Variants in NELL1 observed in about 807,000 individuals in gnomAD.
The protein encoded by NELL1 is protein kinase C-binding protein NELL1.
Under a neutral mutation model 107.4 loss-of-function variants are expected in NELL1, and 76 were observed. That is an observed-to-expected ratio of 0.71 (90% CI 0.59 to 0.86). The LOEUF is 0.86. Among genes scored for constraint, NELL1 ranks in the 40% least tolerant of loss-of-function variants. NELL1 has a pLI of 0.00. For synonymous variants in NELL1, 353 were observed against 341.2 expected (o/e 1.03, Z -0.38); for missense variants, 1,024 against 1,005.5 (o/e 1.02, Z -0.25).
At chr11:21,013,344 A>G (rs1043996775) in intron 12 of NELL1, among the ~76,000 whole-genome samples, 5 of 152,082 alleles carry the variant, frequency 3.3e-5, no homozygotes, top group African/African-American at 1.2e-4. Context: ...GCCACAGGGT[A>G]TAGGAAATAG....
chr11:21,167,829 T>C (rs1358248289), intron 13 of NELL1, among the ~76,000 whole-genome samples: 2 of 151,780 alleles, frequency 1.3e-5, no homozygotes, highest in Non-Finnish European at 2.9e-5. Flanking sequence ...TTTCTTTTTC[T>C]TTAGATCACA....
chr11:20,748,958 A>G (rs530502634), intron 2 of NELL1, among the ~76,000 whole-genome samples: 2 of 150,390 alleles, frequency 1.3e-5, no homozygotes, highest in Non-Finnish European at 3.0e-5. Flanking sequence ...CCATCCATCC[A>G]TATTTTGACA....
At chr11:21,527,972 T>C (rs1334733890) in intron 15 of NELL1, among the ~76,000 whole-genome samples, 3 of 152,154 alleles carry the variant, frequency 2.0e-5, no homozygotes, top group African/African-American at 7.2e-5. Flanking sequence ...TAATCTCCTT[T>C]GGCAACACCC....
chr11:20,795,281 CA>C (rs1476990153), intron 3 of NELL1, among the ~76,000 whole-genome samples: 2 of 152,106 alleles, frequency 1.3e-5, no homozygotes, highest in Admixed American at 1.3e-4. Context: ...TAAAACGAAA[CA>C]GAAAACTGAA....
intron 16 of NELL1, among the ~76,000 whole-genome samples, chr11:21,538,690 A>G (rs1376360219): frequency 6.6e-6 from 1 of 152,146 alleles, no homozygotes; most frequent in East Asian, 1.9e-4. Flanking sequence ...CAGTTTTAAT[A>G]TAGAAGTTGT....
chr11:20,953,467 G>A (rs1181948428), intron 11 of NELL1, among the ~76,000 whole-genome samples: 2 of 152,154 alleles, frequency 1.3e-5, no homozygotes, highest in African/African-American at 2.4e-5. Flanking sequence ...AACATAAAGT[G>A]GGATTTGGAG....
At chr11:21,348,524 G>A (rs1850734048) in intron 14 of NELL1, among the ~76,000 whole-genome samples, 1 of 152,052 alleles carries the variant, frequency 6.6e-6, no homozygotes, top group Non-Finnish European at 1.5e-5. Flanking sequence ...AGATATTTAA[G>A]CATTTATTTC....
chr11:21,302,305 G>A (rs1239939076), intron 14 of NELL1, among the ~76,000 whole-genome samples: 2 of 152,002 alleles, frequency 1.3e-5, no homozygotes, highest in African/African-American at 4.8e-5. Flanking sequence ...TGGCTGAGGT[G>A]TCTCTTGTTT....
intron 15 of NELL1, among the ~76,000 whole-genome samples, chr11:21,451,767 T>C (rs1853593220): frequency 6.6e-6 from 1 of 152,184 alleles, no homozygotes; most frequent in Non-Finnish European, 1.5e-5. Context: ...CTGCTTTTCT[T>C]CCCTATGAAA....
intron 13 of NELL1, among the ~76,000 whole-genome samples, chr11:21,124,789 C>T (rs925894009): frequency 6.6e-6 from 1 of 151,920 alleles, no homozygotes; most frequent in Non-Finnish European, 1.5e-5. Context: ...TTAGTACAGA[C>T]AGGGTTTCTC....
At chr11:20,947,280 G>A in intron 10 of NELL1, 56 bp from the exon 11 acceptor site, 1 of 1,140,260 alleles carries the variant, frequency 8.8e-7, no homozygotes, top group Non-Finnish European at 1.3e-6. Flanking sequence ...TTATAAGTTT[G>A]TTCCATTGAC....
At chr11:21,043,191 AC>A (rs1270179554) in intron 12 of NELL1, among the ~76,000 whole-genome samples, 2 of 152,158 alleles carry the variant, frequency 1.3e-5, no homozygotes, top group Non-Finnish European at 2.9e-5. Context: ...TCATTCACCA[AC>A]TTTAAAAGTA....
intron 12 of NELL1, among the ~76,000 whole-genome samples, chr11:21,068,142 G>A (rs914277918): frequency 1.3e-5 from 2 of 148,606 alleles, no homozygotes. Flanking sequence ...TATTCATTCT[G>A]GTGTCTAGTG....
intron 2 of NELL1, among the ~76,000 whole-genome samples, chr11:20,782,099 CTT>C (rs1258601344): frequency 2.6e-4 from 39 of 151,744 alleles, no homozygotes; most frequent in Non-Finnish European, 5.3e-4. Context: ...TTCTAATACT[CTT>C]TAGTTTACAG....
rs547255857 is a variant in NELL1, at chr11:21,033,156, G to T, written c.1300+72596G>T. On this transcript the variant is annotated intron_variant, in intron 12 of 19. Coordinates refer to ENST00000357134, the MANE Select transcript of NELL1 (RefSeq NM_006157.5). ...CTGGATGATCATCTCTTTTGCTTTGGTGATCTGCTGCTTTATTATGATTTA... is the reference window on the plus strand; with the variant it reads ...CTGGATGATCATCTCTTTTGCTTTGTTGATCTGCTGCTTTATTATGATTTA... Among the ~76,000 whole-genome samples, 8 of 152,000 alleles carry T rather than the reference G, an allele frequency of 5.3e-5. No individual in the cohort carries two copies. In the South Asian group the frequency reaches 1.7e-3, roughly 32 times the overall value.
At chr11:21,395,168 C>T (rs1851955228) in intron 15 of NELL1, among the ~76,000 whole-genome samples, 1 of 151,388 alleles carries the variant, frequency 6.6e-6, no homozygotes, top group Non-Finnish European at 1.5e-5. Context: ...TGGAAAGCAA[C>T]AAGTTAGGAA....
intron 12 of NELL1, among the ~76,000 whole-genome samples, chr11:21,062,010 T>G (rs1853754068): frequency 6.6e-6 from 1 of 152,200 alleles, no homozygotes; most frequent in African/African-American, 2.4e-5. Flanking sequence ...TTCTCCAGAT[T>G]GTCTACTTGC....
chr11:20,829,275 A>T (rs1009606434), intron 3 of NELL1, among the ~76,000 whole-genome samples: 1 of 135,436 alleles, frequency 7.4e-6, no homozygotes, highest in African/African-American at 2.9e-5. Flanking sequence ...TGCCCACGCT[A>T]GAGTGCAGTG....
At chr11:21,431,430 A>G (rs1044287519) in intron 15 of NELL1, among the ~76,000 whole-genome samples, 3 of 152,154 alleles carry the variant, frequency 2.0e-5, no homozygotes, top group African/African-American at 7.2e-5. Flanking sequence ...TTTGTTCACT[A>G]ATATTTCCCA....
Sources: allele counts gnomAD v4.1 joint callset (sites outside exome capture counted in the v4.1 genomes callset), GRCh38; gene constraint gnomAD v4.1.1; transcripts MANE v1.5; gene names NCBI Gene and HGNC (gene_info 2026-07-23, HGNC 2026-07-21).